The following SDK2 variants were observed in gnomAD, a reference collection of about 807,000 sequenced individuals.
SDK2 encodes protein sidekick-2.
Under a neutral mutation model 253.9 loss-of-function variants are expected in SDK2, and 105 were observed. The observed-to-expected ratio is 0.41, with a 90% CI of 0.35 to 0.49. The LOEUF (loss-of-function observed/expected upper bound fraction) is 0.49, where lower values mean the gene tolerates loss of function less well. Among genes scored for constraint, SDK2 ranks in the 20% least tolerant of loss-of-function variants. The pLI, the probability that SDK2 is intolerant of heterozygous loss-of-function variation, is 0.06. For synonymous variants in SDK2, 1,249 were observed against 1,234.9 expected, an observed-to-expected ratio of 1.01 and a Z score of -0.24; for missense variants, 2,608 against 3,003.0, an observed-to-expected ratio of 0.87 and a Z score of 3.07.
At chr17:73,630,010 A>G (rs538218672) in intron 1 of SDK2, among the ~76,000 whole-genome samples, 2 of 152,226 alleles carry the variant, frequency 1.3e-5, no homozygotes, top group South Asian at 4.2e-4. Flanking sequence ...ACCAGGTGCA[A>G]GGCCATCACC....
At chr17:73,474,350 A>T (rs907576874) in intron 2 of SDK2, among the ~76,000 whole-genome samples, 3 of 152,130 alleles carry the variant, frequency 2.0e-5, no homozygotes, top group Non-Finnish European at 4.4e-5. Context: ...CTTGTCAGTA[A>T]CCTGTAAGTT....
At chr17:73,411,158 C>T (rs554750106) in intron 18 of SDK2, among the ~76,000 whole-genome samples, 13 of 152,124 alleles carry the variant, frequency 8.5e-5, no homozygotes, top group South Asian at 6.2e-4. Flanking sequence ...AAGCTCTGCT[C>T]GACCTTGGGT....
intron 39 of SDK2, 149 bp from the exon 40 acceptor site, chr17:73,358,353 G>A: frequency 4.9e-6 from 5 of 1,015,076 alleles, no homozygotes; most frequent in South Asian, 1.7e-5. Context: ...CGGCCTGAGA[G>A]TACATCTCAG....
intron 1 of SDK2, among the ~76,000 whole-genome samples, chr17:73,526,221 T>C (rs1249316410): frequency 6.6e-6 from 1 of 152,068 alleles, no homozygotes; most frequent in East Asian, 1.9e-4. Flanking sequence ...ACTTTAGCTA[T>C]TTCAGCATGA....
chr17:73,643,957 T>TCCCCCCCCCCCCCCCCCCCC lies in SDK2; in HGVS notation c.64+67_64+68insGGGGGGGGGGGGGGGGGGGG. 9.8e-7 allele frequency: 1 copy of TCCCCCCCCCCCCCCCCCCCC among 1,019,998 alleles called. No individual in the cohort carries two copies. Among genetic ancestry groups the TCCCCCCCCCCCCCCCCCCCC allele is most frequent in the Non-Finnish European group, 1.5e-6 (1 of 674,882 alleles). The allele number at this position is 1,019,998 out of a possible 1,614,324, so 63.2% of individuals were successfully genotyped here. Reference sequence around the variant, plus strand: ...GGAGGTCACCGTGAGGCCGGCCAGCTCCCGCCGCCCCTCCCCCGCCCACTC... The same window carrying TCCCCCCCCCCCCCCCCCCCC: ...GGAGGTCACCGTGAGGCCGGCCAGCTCCCCCCCCCCCCCCCCCCCCCCCGCCGCCCCTCCCCCGCCCACTC... On this transcript the variant is annotated intron_variant, in intron 1 of 44. Transcript: ENST00000392650. The surrounding 1 kb of genome is among the most constrained non-coding windows in gnomAD (Gnocchi z 6.9).
chr17:73,604,890 G>A (rs1340498281), intron 1 of SDK2, among the ~76,000 whole-genome samples: 1 of 152,190 alleles, frequency 6.6e-6, no homozygotes, highest in Non-Finnish European at 1.5e-5. Context: ...AGCCACGTGG[G>A]AGGGGGTTGG....
At chr17:73,344,929 A>C (rs2062469837) in intron 44 of SDK2, among the ~76,000 whole-genome samples, 1 of 152,222 alleles carries the variant, frequency 6.6e-6, no homozygotes, top group Non-Finnish European at 1.5e-5. Flanking sequence ...GGCCCAGCTC[A>C]AATAAATGCC....
chr17:73,423,477 G>A lies in SDK2; in HGVS notation c.1806C>T (p.Thr602=). 6.3e-7 allele frequency: 1 copy of A among 1,591,060 alleles called. No individual in the cohort carries two copies. Among genetic ancestry groups the A allele is most frequent in the Non-Finnish European group, 8.6e-7 (1 of 1,166,360 alleles). ...APEHPVATLS[T]VERRAINLTW... is the part of the protein sequence containing the mutation. ...TCAGGTTGATGGCTCGCCTTTCCAC[G>A]GTGCTGAGAGTGGCCACTGGGTGCT... Residue 602 remains threonine, a synonymous_variant, in exon 14 of 45, where the codon ACC becomes ACT. Transcript: ENST00000392650.
At chr17:73,339,260 C>A (rs975082608) in intron 44 of SDK2, among the ~76,000 whole-genome samples, 31 of 144,624 alleles carry the variant, frequency 2.1e-4, no homozygotes, top group African/African-American at 6.6e-4. Flanking sequence ...GACAGAATCT[C>A]GCTGTTGCCA....
At chr17:73,359,422 G>A (rs575739177) in intron 39 of SDK2, among the ~76,000 whole-genome samples, 10 of 152,344 alleles carry the variant, frequency 6.6e-5, no homozygotes, top group African/African-American at 2.4e-4. Context: ...CACAAGGGCA[G>A]AGTAACTGCG....
At chr17:73,428,028 T>C (rs1021869582) in intron 12 of SDK2, among the ~76,000 whole-genome samples, 2 of 152,160 alleles carry the variant, frequency 1.3e-5, no homozygotes, top group African/African-American at 2.4e-5. Context: ...GATTAAAAAA[T>C]AGTCATTGAC....
At chr17:73,369,011 C>CAA (rs56761775) in intron 36 of SDK2, 2,804 of 254,772 alleles carry the variant, frequency 0.011, 33 homozygotes, top group Admixed American at 0.043. Context: ...GACTCCATCT[C>CAA]AAAAAAAAAA....
chr17:73,397,769 A>T (rs1417598918), intron 24 of SDK2, among the ~76,000 whole-genome samples: 1 of 152,200 alleles, frequency 6.6e-6, no homozygotes, highest in Non-Finnish European at 1.5e-5. Flanking sequence ...ATCCTTTGTA[A>T]GATTATTGGG....
rs980163367 is a variant in SDK2 at position 73,465,126 on chromosome 17, C to A, written c.331+6986G>T. Reference sequence around the variant, plus strand: ...AAGCATCCTGCATTCAATACCCACACCTCAGGCTGAAAATGAAGAGAAACA... The same window carrying A: ...AAGCATCCTGCATTCAATACCCACAACTCAGGCTGAAAATGAAGAGAAACA... On this transcript the variant is annotated intron_variant, in intron 3 of 44. Coordinates refer to ENST00000392650, the MANE Select transcript of SDK2 (RefSeq NM_001144952.2). This position sits in a 1 kb window ranked among gnomAD's most constrained non-coding sequence, Gnocchi z 4.2. 6.6e-6 allele frequency among the ~76,000 whole-genome samples: 1 copy of A among 152,168 alleles called. No individual in the cohort carries two copies.
intron 1 of SDK2, among the ~76,000 whole-genome samples, chr17:73,533,134 C>T (rs913764600): frequency 6.6e-6 from 1 of 152,150 alleles, no homozygotes; most frequent in Non-Finnish European, 1.5e-5. Context: ...GGCAGTGCAG[C>T]GCTCCATCAA....
At chr17:73,536,278 C>G (rs7210407) in intron 1 of SDK2, among the ~76,000 whole-genome samples, 42,939 of 152,096 alleles carry the variant, frequency 0.28, 6,875 homozygotes, top group East Asian at 0.45. Flanking sequence ...CCTGGATCAG[C>G]AAGCAGGTCA....
intron 1 of SDK2, among the ~76,000 whole-genome samples, chr17:73,569,360 G>A (rs2045351849): frequency 6.6e-6 from 1 of 152,026 alleles, no homozygotes; most frequent in South Asian, 2.1e-4. Context: ...ACCACACCCA[G>A]CTAATTTTTG....
chr17:73,545,103 A>G (rs1042453736), intron 1 of SDK2, among the ~76,000 whole-genome samples: 3 of 145,652 alleles, frequency 2.1e-5, no homozygotes, highest in African/African-American at 8.3e-5. Context: ...GTGCACGCAC[A>G]CACACACACA....
chr17:73,634,039 AC>A (rs2046301504), intron 1 of SDK2, among the ~76,000 whole-genome samples: 1 of 152,134 alleles, frequency 6.6e-6, no homozygotes, highest in Non-Finnish European at 1.5e-5. Flanking sequence ...TGGGGAAGCT[AC>A]CAGGGTTCTA....
Sources: allele counts gnomAD v4.1 joint callset (sites outside exome capture counted in the v4.1 genomes callset), GRCh38; gene constraint gnomAD v4.1.1; non-coding constraint Gnocchi (gnomAD v3.1); transcripts MANE v1.5; gene names NCBI Gene and HGNC (gene_info 2026-07-23, HGNC 2026-07-21).